The following TMEM117 variants were observed in gnomAD, a reference collection of about 807,000 sequenced individuals.
TMEM117 encodes transmembrane protein 117.
Under a neutral mutation model 52.4 loss-of-function variants are expected in TMEM117, and 27 were observed. That is an observed-to-expected ratio of 0.51 (90% CI 0.38 to 0.71). The LOEUF is 0.71. Among genes scored for constraint, TMEM117 ranks in the 30% least tolerant of loss-of-function variants. The probability of loss-of-function intolerance (pLI) is 0.00; values close to 1 mark genes in which losing one functional copy is unlikely to be tolerated. For missense variants in TMEM117, 556 were observed against 630.5 expected, an observed-to-expected ratio of 0.88 and a Z score of 1.26; for synonymous variants, 215 against 206.3, an observed-to-expected ratio of 1.04 and a Z score of -0.36.
At chr12:43,944,094 T>C in intron 2 of TMEM117, 116 bp from the exon 3 acceptor site, 1 of 902,316 alleles carries the variant, frequency 1.1e-6, no homozygotes, top group East Asian at 2.7e-5. Flanking sequence ...TAAGGCAGTC[T>C]TATGGCAAAG....
At chr12:44,293,703 A>G (rs779900530) in intron 5 of TMEM117, among the ~76,000 whole-genome samples, 40 of 152,172 alleles carry the variant, frequency 2.6e-4, no homozygotes, top group Non-Finnish European at 3.2e-4. Context: ...TTTACTCCCC[A>G]GTCAACGTTT....
chr12:43,970,539 C>G (rs527359700), intron 3 of TMEM117, among the ~76,000 whole-genome samples: 8 of 152,130 alleles, frequency 5.3e-5, no homozygotes, highest in Non-Finnish European at 1.0e-4. Flanking sequence ...CCGCCTGGCT[C>G]GGCCTCTCAA....
At chr12:43,931,617 A>G (rs546592100) in intron 2 of TMEM117, among the ~76,000 whole-genome samples, 1 of 152,260 alleles carries the variant, frequency 6.6e-6, no homozygotes, top group East Asian at 1.9e-4. Context: ...GGTAATTTCA[A>G]TATTTAAAGT....
At chr12:44,114,115 C>T (rs1312615835) in intron 3 of TMEM117, among the ~76,000 whole-genome samples, 5 of 150,002 alleles carry the variant, frequency 3.3e-5, no homozygotes, top group African/African-American at 9.9e-5. Flanking sequence ...TCTGGCACTC[C>T]CTAGTGAGAT....
chr12:43,931,993 T>A (rs943587438), intron 2 of TMEM117, among the ~76,000 whole-genome samples: 1 of 152,200 alleles, frequency 6.6e-6, no homozygotes, highest in Non-Finnish European at 1.5e-5. Flanking sequence ...TGCTTACTGG[T>A]ACTCTTTAAA....
chr12:43,884,906 TATAA>T (rs1429660144), intron 2 of TMEM117, among the ~76,000 whole-genome samples: 2 of 152,170 alleles, frequency 1.3e-5, no homozygotes, highest in African/African-American at 4.8e-5. Flanking sequence ...AGCACCATCC[TATAA>T]AATCCCCAGC....
At chr12:43,940,320 C>A (rs970199369) in intron 2 of TMEM117, among the ~76,000 whole-genome samples, 1 of 152,144 alleles carries the variant, frequency 6.6e-6, no homozygotes, top group Non-Finnish European at 1.5e-5. Context: ...TAGTGTATTT[C>A]TTTGCACAGG....
chr12:43,825,813 C>T, the TMEM117 span, among the ~76,000 whole-genome samples: 1 of 152,150 alleles, frequency 6.6e-6, no homozygotes, highest in Non-Finnish European at 1.5e-5. Context: ...TGTTTGTTAA[C>T]ACCCACCTGA....
chr12:44,005,585 G>C (rs1472239423), intron 3 of TMEM117, among the ~76,000 whole-genome samples: 6 of 152,172 alleles, frequency 3.9e-5, no homozygotes, highest in South Asian at 2.1e-4. Flanking sequence ...GTGCATCAAG[G>C]CTAAGAGGTC....
intron 6 of TMEM117, among the ~76,000 whole-genome samples, chr12:44,319,426 C>A (rs1039480355): frequency 1.3e-5 from 2 of 152,180 alleles, no homozygotes; most frequent in Non-Finnish European, 2.9e-5. Context: ...TCTCTGCCCA[C>A]CCCCTGTTCT....
intron 5 of TMEM117, among the ~76,000 whole-genome samples, chr12:44,273,734 A>T (rs941602976): frequency 1.3e-5 from 2 of 152,178 alleles, no homozygotes; most frequent in African/African-American, 4.8e-5. Context: ...ATTTCAATTG[A>T]TGCTGAAAAT....
the TMEM117 span, among the ~76,000 whole-genome samples, chr12:43,813,231 GTTTTTTT>G: frequency 1.3e-3 from 81 of 62,660 alleles, no homozygotes; most frequent in South Asian, 0.023. Context: ...GTTTTCTCTT[GTTTTTTT>G]TTTTTTTTTT....
At chr12:44,149,132 G>A (rs1304059241) in intron 4 of TMEM117, among the ~76,000 whole-genome samples, 1 of 152,198 alleles carries the variant, frequency 6.6e-6, no homozygotes, top group African/African-American at 2.4e-5. Context: ...ATGGCAAAGA[G>A]TATAAAGAAA....
At chr12:44,203,244 C>G (rs7297563) in intron 4 of TMEM117, among the ~76,000 whole-genome samples, 8 of 152,062 alleles carry the variant, frequency 5.3e-5, no homozygotes, top group Admixed American at 2.6e-4. Flanking sequence ...TAATTTTTAT[C>G]CATAGAAATG....
intron 2 of TMEM117, among the ~76,000 whole-genome samples, chr12:43,866,872 C>T (rs953380530): frequency 6.6e-6 from 1 of 152,140 alleles, no homozygotes; most frequent in Admixed American, 6.5e-5. Context: ...GGGTGGATCA[C>T]CTGAGGTCGG....
chr12:44,209,319 C>G (rs935715944), intron 4 of TMEM117, among the ~76,000 whole-genome samples: 5 of 152,144 alleles, frequency 3.3e-5, no homozygotes, highest in Middle Eastern at 3.4e-3. Context: ...CTTCCCCTTA[C>G]TCCTTTTGAT....
chr12:44,288,863 A>G (rs1950667469), intron 5 of TMEM117, among the ~76,000 whole-genome samples: 1 of 152,156 alleles, frequency 6.6e-6, no homozygotes, highest in Non-Finnish European at 1.5e-5. Context: ...GTATGTATGT[A>G]TGCATGTGGT....
chr12:44,311,757 GTA>G (rs60287681), intron 6 of TMEM117, among the ~76,000 whole-genome samples: 2,878 of 114,860 alleles, frequency 0.025, 114 homozygotes, highest in African/African-American at 0.08. Context: ...GTGTATATAT[GTA>G]TATATATATG....
intron 3 of TMEM117, among the ~76,000 whole-genome samples, chr12:44,077,653 A>G (rs1028429167): frequency 1.3e-5 from 2 of 152,172 alleles, no homozygotes; most frequent in African/African-American, 4.8e-5. Flanking sequence ...GCTAAATTAT[A>G]TTCTAATCAC....
Sources: allele counts gnomAD v4.1 joint callset (sites outside exome capture counted in the v4.1 genomes callset), GRCh38; gene constraint gnomAD v4.1.1; transcripts MANE v1.5; gene names NCBI Gene and HGNC (gene_info 2026-07-23, HGNC 2026-07-21).